Variants in PTPRT observed in about 807,000 individuals in gnomAD.
PTPRT encodes receptor-type tyrosine-protein phosphatase T.
Under a neutral mutation model 176.8 loss-of-function variants are expected in PTPRT, and 56 were observed. The observed-to-expected ratio is 0.32, with a 90% CI of 0.26 to 0.40. The LOEUF (loss-of-function observed/expected upper bound fraction) is 0.40. PTPRT is among the 10% of genes least tolerant of loss of function. The pLI is 1.00. For synonymous variants in PTPRT, 783 were observed against 739.0 expected (o/e 1.06, Z -0.96); for missense variants, 1,540 against 1,908.2 (o/e 0.81, Z 3.60).
chr20:42,698,997 G>A (rs2075930398), intron 6 of PTPRT, among the ~76,000 whole-genome samples: 1 of 152,166 alleles, frequency 6.6e-6, no homozygotes, highest in African/African-American at 2.4e-5. Context: ...TAACAACGAT[G>A]TAGTAATAAT....
At chr20:42,389,398 A>C (rs1445063599) in intron 9 of PTPRT, among the ~76,000 whole-genome samples, 1 of 152,160 alleles carries the variant, frequency 6.6e-6, no homozygotes, top group Non-Finnish European at 1.5e-5. Flanking sequence ...GTTGAGAGAC[A>C]TGTTATTTGT....
At chr20:43,170,658 T>G (rs2014974543) in intron 1 of PTPRT, among the ~76,000 whole-genome samples, 1 of 152,160 alleles carries the variant, frequency 6.6e-6, no homozygotes, top group Admixed American at 6.5e-5. Context: ...TCCTCTGAAA[T>G]CTTCATAACC....
At chr20:42,848,771 A>T (rs2078420984) in intron 2 of PTPRT, among the ~76,000 whole-genome samples, 1 of 151,886 alleles carries the variant, frequency 6.6e-6, no homozygotes, top group South Asian at 2.1e-4. Flanking sequence ...CTGTCTGTTT[A>T]TTCTGCTGAT....
rs183575830 is a variant in PTPRT at position 42,271,800 on chromosome 20, C to A, written c.2176+10689G>T. On this transcript the variant is annotated intron_variant, in intron 13 of 30. Transcript: ENST00000373187. ...TTTTAGGCTTGTCCAGGGACTGCAGCTTTCTCCAGTGATCCATCAACAAAA... is the reference window on the plus strand; with the variant it reads ...TTTTAGGCTTGTCCAGGGACTGCAGATTTCTCCAGTGATCCATCAACAAAA... 8.5e-5 allele frequency among the ~76,000 whole-genome samples: 13 copies of A among 152,298 alleles called. No homozygotes were observed. The East Asian group carries it at 2.5e-3, about 29-fold the overall frequency.
chr20:42,374,001 G>C (rs539538688), intron 9 of PTPRT, among the ~76,000 whole-genome samples: 1 of 152,190 alleles, frequency 6.6e-6, no homozygotes, highest in African/African-American at 2.4e-5. Flanking sequence ...GGAACTGGGG[G>C]CTCCAGGGAG....
chr20:42,626,400 A>G (rs541508829), intron 7 of PTPRT, among the ~76,000 whole-genome samples: 1 of 152,300 alleles, frequency 6.6e-6, no homozygotes, highest in South Asian at 2.1e-4. Flanking sequence ...TGATTAGACT[A>G]AGAACCCACT....
intron 1 of PTPRT, among the ~76,000 whole-genome samples, chr20:42,977,817 A>G (rs555788953): frequency 5.3e-5 from 8 of 152,346 alleles, no homozygotes; most frequent in Admixed American, 5.2e-4. Flanking sequence ...TCAGTTTTCT[A>G]TCTCAATCTT....
intron 1 of PTPRT, among the ~76,000 whole-genome samples, chr20:42,982,986 G>A (rs1983368358): frequency 6.6e-6 from 1 of 152,142 alleles, no homozygotes; most frequent in Non-Finnish European, 1.5e-5. Context: ...GCCAGCCGGG[G>A]TCAGCAAGCA....
chr20:42,227,103 A>G (rs1201441083), intron 15 of PTPRT, among the ~76,000 whole-genome samples: 1 of 151,636 alleles, frequency 6.6e-6, no homozygotes, highest in African/African-American at 2.4e-5. Flanking sequence ...AATCAATCAG[A>G]CTCTGAGAGA....
At position 42,075,689 on chromosome 20, in the gene PTPRT, T is replaced by C; in HGVS notation, c.*5190A>G. 1 of 210,746 alleles carries C rather than the reference T, an allele frequency of 4.7e-6. No individual in the cohort carries two copies. Among genetic ancestry groups the C allele is most frequent in the South Asian group, 1.9e-4 (1 of 5,330 alleles). 13.1% of individuals were successfully genotyped at this position (210,746 alleles called of 1,614,324 possible). A position where few individuals can be genotyped will look rare whatever the true frequency, so the allele number is the denominator to read the frequency against. ...CTCCCTGGGCCTCACTTCTGTTGTG[T>C]AGAGCAGTCTTACTGGACTGATACC... On this transcript the variant is annotated 3_prime_UTR_variant, in exon 31 of 31. Coordinates refer to ENST00000373187, the MANE Select transcript of PTPRT (RefSeq NM_007050.6).
intron 1 of PTPRT, among the ~76,000 whole-genome samples, chr20:43,062,082 G>A (rs9679824): frequency 0.094 from 14,254 of 152,150 alleles, 756 homozygotes; most frequent in Middle Eastern, 0.14. Flanking sequence ...GGTTGCCTGG[G>A]GCTTAGGGTG....
intron 5 of PTPRT, among the ~76,000 whole-genome samples, chr20:42,763,924 G>A (rs1026863321): frequency 1.3e-5 from 2 of 152,118 alleles, no homozygotes; most frequent in African/African-American, 4.8e-5. Context: ...GGCTTGGTGG[G>A]GGACAAAGGA....
the PTPRT span, among the ~76,000 whole-genome samples, chr20:42,041,658 T>A: frequency 6.6e-6 from 1 of 152,204 alleles, no homozygotes; most frequent in African/African-American, 2.4e-5. Context: ...CTGTGCAACC[T>A]TGAGCAACTC....
chr20:42,163,826 T>G (rs561643111), intron 16 of PTPRT, among the ~76,000 whole-genome samples: 1 of 152,228 alleles, frequency 6.6e-6, no homozygotes, highest in African/African-American at 2.4e-5. Context: ...TTGAAGCCAG[T>G]GTGAACCTGC....
At chr20:43,087,659 T>C (rs1051500885) in intron 1 of PTPRT, among the ~76,000 whole-genome samples, 1 of 152,152 alleles carries the variant, frequency 6.6e-6, no homozygotes, top group Non-Finnish European at 1.5e-5. Context: ...CCACTGCACC[T>C]TGCCCACATT....
chr20:42,599,594 T>C (rs374981100), intron 7 of PTPRT, among the ~76,000 whole-genome samples: 2 of 152,110 alleles, frequency 1.3e-5, no homozygotes, highest in Admixed American at 6.5e-5. Context: ...CTCATTTGCA[T>C]TGGTTCCCTC....
Position 42,945,179 on chromosome 20 carries a change from A to G in PTPRT, c.89-59247T>C, listed in dbSNP as rs577721161. On this transcript the variant is annotated intron_variant, in intron 1 of 30. Transcript: ENST00000373187. ...TTTACATTTATTATAATGTAACTCTAAAGATACATATATATGTATGTATGT... is the reference window on the plus strand; with the variant it reads ...TTTACATTTATTATAATGTAACTCTGAAGATACATATATATGTATGTATGT... 5.3e-5 allele frequency among the ~76,000 whole-genome samples: 8 copies of G among 151,330 alleles called. No homozygotes were observed. In the South Asian group the frequency reaches 1.7e-3, roughly 31 times the overall value.
intron 16 of PTPRT, among the ~76,000 whole-genome samples, chr20:42,191,581 T>TGATGC (rs1407867509): frequency 1.3e-5 from 2 of 152,156 alleles, no homozygotes; most frequent in Non-Finnish European, 2.9e-5. Flanking sequence ...GGCTGATGGC[T>TGATGC]GATGCAGTGA....
chr20:42,371,520 C>G (rs562375920), intron 9 of PTPRT, among the ~76,000 whole-genome samples: 3 of 152,330 alleles, frequency 2.0e-5, no homozygotes, highest in African/African-American at 7.2e-5. Context: ...TCCACTCAGA[C>G]AAGACTCTAA....
Sources: gnomAD v4.1 joint callset for allele counts (sites outside exome capture counted in the v4.1 genomes callset) on GRCh38, gnomAD v4.1.1 for gene constraint, MANE v1.5 for transcripts, NCBI Gene and HGNC (gene_info 2026-07-23, HGNC 2026-07-21) for gene names.